The following NRCAM variants were observed in gnomAD, a reference collection of about 807,000 sequenced individuals.
NRCAM encodes neuronal cell adhesion molecule.
A neutral mutation model predicts 156.5 loss-of-function variants in NRCAM; 83 were observed. That is an observed-to-expected ratio of 0.53 (90% CI 0.44 to 0.64). NRCAM has a LOEUF of 0.64. Ranked by LOEUF, NRCAM falls within the 30% of genes least tolerant of loss-of-function variation. The pLI, the probability that NRCAM is intolerant of heterozygous loss-of-function variation, is 0.00. For synonymous variants in NRCAM, 538 were observed against 563.9 expected, an observed-to-expected ratio of 0.95 and a Z score of 0.65; for missense variants, 1,417 against 1,597.3, an observed-to-expected ratio of 0.89 and a Z score of 1.92.
At chr7:108,380,779 T>C (rs1047864125) in intron 2 of NRCAM, among the ~76,000 whole-genome samples, 3 of 152,148 alleles carry the variant, frequency 2.0e-5, no homozygotes, top group African/African-American at 7.2e-5. Context: ...TCAAGTGATC[T>C]TCCTGCCCAA....
Position 108,357,993 on chromosome 7 carries a change from A to T in NRCAM, c.-174+41443T>A, listed in dbSNP as rs529485618. 5.3e-5 allele frequency among the ~76,000 whole-genome samples: 8 copies of T among 152,284 alleles called. No individual in the cohort carries two copies. In the South Asian group the frequency reaches 1.7e-3, roughly 32 times the overall value. On this transcript the variant is annotated intron_variant, in intron 2 of 32. Coordinates refer to ENST00000379028, the MANE Select transcript of NRCAM (RefSeq NM_001037132.4). ...CATCCCTACGGATTGGCTTGTCCTG[A>T]CAATGTGTAAAATCTCAGGGAAGAA...
intron 2 of NRCAM, among the ~76,000 whole-genome samples, chr7:108,329,077 T>C (rs1207204550): frequency 6.6e-6 from 1 of 152,130 alleles, no homozygotes; most frequent in Non-Finnish European, 1.5e-5. Context: ...AAATAAATAT[T>C]ATAACTATTT....
chr7:108,191,196 TC>T, intron 19 of NRCAM, 57 bp downstream of exon 19: 2 of 1,400,176 alleles, frequency 1.4e-6, no homozygotes, highest in Non-Finnish European at 2.0e-6. Context: ...ATGAATACTT[TC>T]TGCAAATGTG....
At chr7:108,323,984 G>A (rs1389827070) in intron 2 of NRCAM, among the ~76,000 whole-genome samples, 2 of 152,044 alleles carry the variant, frequency 1.3e-5, no homozygotes, top group African/African-American at 2.4e-5. Context: ...AGAACAGCAA[G>A]GCGGCCAGGT....
chr7:108,277,134 G>T (rs1261414758), intron 3 of NRCAM, among the ~76,000 whole-genome samples: 1 of 152,166 alleles, frequency 6.6e-6, no homozygotes, highest in African/African-American at 2.4e-5. Context: ...CCCTTCGTGG[G>T]TAACCCGACC....
chr7:108,268,648 C>G (rs1255763012), intron 3 of NRCAM, among the ~76,000 whole-genome samples: 53 of 114,844 alleles, frequency 4.6e-4, no homozygotes, highest in African/African-American at 6.7e-4. Context: ...GGGGGGGCGG[C>G]GGTGGCGGGA....
chr7:108,401,799 A>G (rs2099793517), intron 1 of NRCAM, among the ~76,000 whole-genome samples: 2 of 151,924 alleles, frequency 1.3e-5, no homozygotes, highest in South Asian at 4.2e-4. Flanking sequence ...AAGAAATACA[A>G]CTCCCTTGCA....
At chr7:108,181,618 T>TTC (rs1395859302) in intron 24 of NRCAM, among the ~76,000 whole-genome samples, 2 of 151,556 alleles carry the variant, frequency 1.3e-5, no homozygotes, top group African/African-American at 4.8e-5. Flanking sequence ...GAGAAAACTT[T>TTC]TTTTTTTTTT....
chr7:108,244,195 T>C (rs1194981795), intron 3 of NRCAM, among the ~76,000 whole-genome samples: 1 of 152,088 alleles, frequency 6.6e-6, no homozygotes, highest in Non-Finnish European at 1.5e-5. Flanking sequence ...CTCCTCTATT[T>C]GGGCTTTTCA....
chr7:108,195,519 G>T (rs998291698), intron 15 of NRCAM, among the ~76,000 whole-genome samples: 5 of 152,086 alleles, frequency 3.3e-5, no homozygotes, highest in Non-Finnish European at 7.3e-5. Context: ...TAGAGGCTGA[G>T]GCAGGAGATA....
At chr7:108,414,175 A>G (rs1460240170) in intron 1 of NRCAM, among the ~76,000 whole-genome samples, 1 of 152,206 alleles carries the variant, frequency 6.6e-6, no homozygotes, top group African/African-American at 2.4e-5. Flanking sequence ...GGAGACAAGA[A>G]GGAGCTAAAA....
intron 5 of NRCAM, among the ~76,000 whole-genome samples, chr7:108,237,046 T>C (rs2095098722): frequency 6.6e-6 from 1 of 152,206 alleles, no homozygotes; most frequent in African/African-American, 2.4e-5. Flanking sequence ...CAAATGCTTT[T>C]CAGTAGTAAG....
rs191974480 is a variant in NRCAM at position 108,328,727 on chromosome 7, A to G, written c.-173-15996T>C. On this transcript the variant is annotated intron_variant, in intron 2 of 32. Transcript: ENST00000379028. Reference sequence around the variant, plus strand: ...GTTTGGTTGCTCAAAATGATTTAGCAAAACACACAATAGGTTATGATTTGG... The same window carrying G: ...GTTTGGTTGCTCAAAATGATTTAGCGAAACACACAATAGGTTATGATTTGG... 1.1e-4 allele frequency: 16 copies of G among 152,372 alleles called. No homozygotes were observed. The East Asian group carries it at 1.5e-3, about 15-fold the overall frequency. 9.4% of individuals were successfully genotyped at this position (152,372 alleles called of 1,614,324 possible).
chr7:108,353,478 C>A (rs1347913065), intron 2 of NRCAM, among the ~76,000 whole-genome samples: 1 of 69,874 alleles, frequency 1.4e-5, no homozygotes, highest in Non-Finnish European at 2.9e-5. Context: ...TGCCACCACA[C>A]CCAGATAATT....
At chr7:108,368,972 T>C (rs2099611730) in intron 2 of NRCAM, among the ~76,000 whole-genome samples, 1 of 152,180 alleles carries the variant, frequency 6.6e-6, no homozygotes, top group African/African-American at 2.4e-5. Context: ...ACAGATAATT[T>C]AGACATGACT....
intron 13 of NRCAM, among the ~76,000 whole-genome samples, chr7:108,198,703 A>G (rs1387509081): frequency 6.6e-6 from 1 of 152,262 alleles, no homozygotes; most frequent in African/African-American, 2.4e-5. Flanking sequence ...ACATAAATAA[A>G]TCAACAAATA....
chr7:108,158,949 C>T (rs1263950701), intron 32 of NRCAM, among the ~76,000 whole-genome samples: 1 of 152,056 alleles, frequency 6.6e-6, no homozygotes, highest in Non-Finnish European at 1.5e-5. Flanking sequence ...TAGAGGGCTA[C>T]GACATTTCTT....
intron 2 of NRCAM, among the ~76,000 whole-genome samples, chr7:108,357,297 G>A (rs2099510962): frequency 6.6e-6 from 1 of 151,364 alleles, no homozygotes; most frequent in Admixed American, 6.6e-5. Flanking sequence ...CACAACATGA[G>A]AGGATTAAAA....
At chr7:108,249,869 T>A (rs768638740) in intron 3 of NRCAM, among the ~76,000 whole-genome samples, 3 of 152,214 alleles carry the variant, frequency 2.0e-5, no homozygotes, top group Non-Finnish European at 4.4e-5. Context: ...ATATATTCCA[T>A]TGTGATGATT....
Sources: gnomAD v4.1 joint callset for allele counts (sites outside exome capture counted in the v4.1 genomes callset) on GRCh38, gnomAD v4.1.1 for gene constraint, MANE v1.5 for transcripts, NCBI Gene and HGNC (gene_info 2026-07-23, HGNC 2026-07-21) for gene names.